CACNA2D1: variants seen among roughly 807,000 people sequenced by gnomAD.
CACNA2D1 encodes voltage-dependent calcium channel subunit alpha-2/delta-1.
A neutral mutation model predicts 171.5 loss-of-function variants in CACNA2D1; 53 were observed. The ratio of observed to expected loss-of-function variants is 0.31; its 90% CI spans 0.25 to 0.39. The LOEUF (loss-of-function observed/expected upper bound fraction) is 0.39, where lower values mean the gene tolerates loss of function less well. Ranked by LOEUF, CACNA2D1 falls within the 10% of genes least tolerant of loss-of-function variation. CACNA2D1 has a pLI of 1.00. For synonymous variants in CACNA2D1, 442 were observed against 443.1 expected (o/e 1.00, Z 0.03); for missense variants, 903 against 1,299.8 (o/e 0.69, Z 4.69).
chr7:82,231,295 G>A (rs1802902966), intron 3 of CACNA2D1, among the ~76,000 whole-genome samples: 1 of 152,156 alleles, frequency 6.6e-6, no homozygotes, highest in Non-Finnish European at 1.5e-5. Flanking sequence ...CAACCCCAAG[G>A]TGGGATGGAG....
In CACNA2D1 at chr7:82,195,361, C is replaced by T. The variant is rs183447286; in HGVS notation, c.295-24752G>A. Among the ~76,000 whole-genome samples the T allele has an allele frequency of 7.1e-4, 107 of 151,692 alleles. No homozygotes were observed. The Middle Eastern group carries it at 0.014, about 20-fold the overall frequency. ...GGAAGGTTCCATTGAAAAGGTGATT[C>T]CAAATAAAGATTCAGGAATCACCTT... On this transcript the variant is annotated intron_variant, in intron 3 of 38. Coordinates refer to ENST00000356860, the MANE Select transcript of CACNA2D1 (RefSeq NM_000722.4).
intron 5 of CACNA2D1, among the ~76,000 whole-genome samples, chr7:82,123,136 G>C (rs1019855767): frequency 1.3e-5 from 2 of 152,114 alleles, no homozygotes; most frequent in Non-Finnish European, 2.9e-5. Flanking sequence ...ATCAGGACAG[G>C]CTTGAAAAAT....
At position 82,000,771 on chromosome 7, in the gene CACNA2D1, C is replaced by CTTTTTTTTTT. The variant is rs774565705; in HGVS notation, c.1591-3531_1591-3522dup. Among the ~76,000 whole-genome samples, 123 of 51,968 alleles carry CTTTTTTTTTT rather than the reference C, an allele frequency of 2.4e-3. 29 individuals are homozygous for CTTTTTTTTTT. Among genetic ancestry groups the CTTTTTTTTTT allele is most frequent in the Non-Finnish European group, 3.9e-3 (108 of 27,704 alleles). 34.1% of individuals were successfully genotyped at this position (51,968 alleles called of 152,430 possible). The stretch of plus-strand genomic sequence containing the variant: ...TACCATGCCTAACTAATTTTTCTTT[C>CTTTTTTTTTT]TTTTTTTTTTTTTTTTTTTTTTTTT... On this transcript the variant is annotated intron_variant, in intron 18 of 38. Coordinates refer to ENST00000356860, the MANE Select transcript of CACNA2D1 (RefSeq NM_000722.4).
intron 7 of CACNA2D1, among the ~76,000 whole-genome samples, chr7:82,082,382 C>T (rs1809908055): frequency 6.6e-6 from 1 of 151,980 alleles, no homozygotes; most frequent in East Asian, 1.9e-4. Flanking sequence ...ATGGGTCATC[C>T]CTCTACCTGA....
At chr7:82,442,116 TC>T (rs1306333110) in intron 1 of CACNA2D1, among the ~76,000 whole-genome samples, 1 of 152,192 alleles carries the variant, frequency 6.6e-6, no homozygotes, top group Non-Finnish European at 1.5e-5. Context: ...ACTCCCCTTC[TC>T]CGGGATAGAA....
intron 3 of CACNA2D1, among the ~76,000 whole-genome samples, chr7:82,276,234 G>A (rs1450356710): frequency 2.0e-5 from 3 of 152,122 alleles, no homozygotes; most frequent in African/African-American, 7.2e-5. Flanking sequence ...TATATTTGGG[G>A]AATTTCCCAA....
intron 3 of CACNA2D1, among the ~76,000 whole-genome samples, chr7:82,237,979 C>A (rs771641491): frequency 9.3e-5 from 14 of 151,172 alleles, no homozygotes; most frequent in South Asian, 4.1e-4. Context: ...TATAGTTACA[C>A]AATATTTTTT....
chr7:82,336,577 G>T (rs371074111), intron 2 of CACNA2D1, among the ~76,000 whole-genome samples: 1 of 152,042 alleles, frequency 6.6e-6, no homozygotes, highest in East Asian at 1.9e-4. Flanking sequence ...TCCATATTTG[G>T]ATTCATCCAG....
At chr7:82,043,666 G>A (rs554968158) in intron 10 of CACNA2D1, among the ~76,000 whole-genome samples, 3 of 152,250 alleles carry the variant, frequency 2.0e-5, no homozygotes, top group South Asian at 2.1e-4. Context: ...GTTTTGTAAA[G>A]GCAGTCTCTA....
At chr7:82,182,139 G>A (rs554474933) in intron 3 of CACNA2D1, among the ~76,000 whole-genome samples, 1 of 151,894 alleles carries the variant, frequency 6.6e-6, no homozygotes, top group Non-Finnish European at 1.5e-5. Context: ...GTCCTTGTGA[G>A]CCCATTACTC....
At chr7:82,287,523 C>T (rs1810960480) in intron 3 of CACNA2D1, among the ~76,000 whole-genome samples, 1 of 152,072 alleles carries the variant, frequency 6.6e-6, no homozygotes, top group Admixed American at 6.5e-5. Flanking sequence ...CTTCACTGCA[C>T]TGTTTTTTAG....
At chr7:82,432,819 T>G (rs1426009830) in intron 1 of CACNA2D1, among the ~76,000 whole-genome samples, 1 of 152,206 alleles carries the variant, frequency 6.6e-6, no homozygotes, top group Non-Finnish European at 1.5e-5. Flanking sequence ...AAGAACTATT[T>G]GTTCTTTTAT....
At chr7:82,348,737 G>A (rs1819535152) in intron 2 of CACNA2D1, among the ~76,000 whole-genome samples, 1 of 152,028 alleles carries the variant, frequency 6.6e-6, no homozygotes, top group Non-Finnish European at 1.5e-5. Flanking sequence ...TATATATGAA[G>A]CTGCTTTTAT....
At chr7:82,437,815 G>C (rs1252408234) in intron 1 of CACNA2D1, among the ~76,000 whole-genome samples, 2 of 149,960 alleles carry the variant, frequency 1.3e-5, no homozygotes, top group Non-Finnish European at 2.9e-5. Context: ...CTACAAAGAA[G>C]GGATATTTAA....
chr7:82,174,042 CAAAAAAAAAAAAA>C (rs71093365), intron 3 of CACNA2D1, among the ~76,000 whole-genome samples: 3 of 45,628 alleles, frequency 6.6e-5, no homozygotes, highest in African/African-American at 8.8e-5. Flanking sequence ...GACCCTGTCT[CAAAAAAAAAAAAA>C]AAAAAAAAAA....
chr7:82,224,960 T>C (rs1802197624), intron 3 of CACNA2D1, among the ~76,000 whole-genome samples: 1 of 152,204 alleles, frequency 6.6e-6, no homozygotes, highest in African/African-American at 2.4e-5. Context: ...TTAATGATCA[T>C]GACGTAAAGG....
chr7:82,012,740 C>T (rs775261460), intron 14 of CACNA2D1, among the ~76,000 whole-genome samples: 2 of 152,086 alleles, frequency 1.3e-5, no homozygotes, highest in African/African-American at 2.4e-5. Flanking sequence ...GACTCAAATG[C>T]AGCTGCTGTT....
At chr7:82,301,714 T>A (rs966715826) in intron 3 of CACNA2D1, among the ~76,000 whole-genome samples, 1 of 148,312 alleles carries the variant, frequency 6.7e-6, no homozygotes, top group African/African-American at 2.5e-5. Flanking sequence ...AATTGTGTAT[T>A]AATTTTGGTA....
intron 7 of CACNA2D1, among the ~76,000 whole-genome samples, chr7:82,082,670 C>A (rs950217596): frequency 6.6e-6 from 1 of 150,868 alleles, no homozygotes; most frequent in Non-Finnish European, 1.5e-5. Flanking sequence ...GGCTTTAAAC[C>A]GTCTTCTGCT....
Sources: gnomAD v4.1 joint callset for allele counts (sites outside exome capture counted in the v4.1 genomes callset) on GRCh38, gnomAD v4.1.1 for gene constraint, MANE v1.5 for transcripts, NCBI Gene and HGNC (gene_info 2026-07-23, HGNC 2026-07-21) for gene names.